Variants in GCNT2 observed in about 807,000 individuals in gnomAD.
The protein encoded by GCNT2 is glucosaminyl (N-acetyl) transferase 2 (I blood group), also known as N-acetyllactosaminide beta-1,6-N-acetylglucosaminyl-transferase.
GCNT2 carries 34 observed loss-of-function variants against 34.2 expected under a neutral mutation model. The ratio of observed to expected loss-of-function variants is 1.00; its 90% confidence interval spans 0.76 to 1.32. The LOEUF is 1.32. Ranked by LOEUF, GCNT2 falls within the 40% of genes most tolerant of loss-of-function variation. The pLI, the probability that GCNT2 is intolerant of heterozygous loss-of-function variation, is 0.00. For synonymous variants in GCNT2, 212 were observed against 188.0 expected (o/e 1.13, Z -1.04); for missense variants, 584 against 489.4 (o/e 1.19, Z -1.82).
chr6:10,623,045 G>A (rs943329851), intron 4 of GCNT2, among the ~76,000 whole-genome samples: 7 of 151,064 alleles, frequency 4.6e-5, no homozygotes, highest in African/African-American at 1.2e-4. Flanking sequence ...GAGCTACTGC[G>A]CCCGGCCCCA....
At chr6:10,553,668 C>T (rs923785134) in intron 3 of GCNT2, among the ~76,000 whole-genome samples, 19 of 152,232 alleles carry the variant, frequency 1.2e-4, no homozygotes, top group African/African-American at 4.6e-4. Flanking sequence ...CCAAGGTGGG[C>T]GGATCGCTTG....
At chr6:10,586,934 C>A (rs1165249266) in intron 3 of GCNT2, 2 of 1,543,534 alleles carry the variant, frequency 1.3e-6, no homozygotes, top group Non-Finnish European at 1.8e-6. Flanking sequence ...AATTTCCATT[C>A]TGATTGATAG....
intron 3 of GCNT2, chr6:10,574,858 G>T: frequency 1.4e-6 from 1 of 690,494 alleles, no homozygotes. Context: ...TTGAACCCAG[G>T]CACCTTTCTC....
At chr6:10,535,512 A>C (rs1175586231) in intron 3 of GCNT2, among the ~76,000 whole-genome samples, 1 of 151,408 alleles carries the variant, frequency 6.6e-6, no homozygotes, top group Non-Finnish European at 1.5e-5. Flanking sequence ...AAGTTCATCC[A>C]CCTCCCACTT....
At chr6:10,528,256 T>TGTC (rs2113500528) in intron 2 of GCNT2, 1 of 154,598 alleles carries the variant, frequency 6.5e-6, no homozygotes, top group African/African-American at 2.4e-5. Flanking sequence ...TCATATGCCA[T>TGTC]GTCGTATAGC....
intron 3 of GCNT2, among the ~76,000 whole-genome samples, chr6:10,614,838 T>C (rs1320633862): frequency 6.6e-6 from 1 of 152,132 alleles, no homozygotes; most frequent in African/African-American, 2.4e-5. Flanking sequence ...GCATTGGGAA[T>C]GGACGCGCGT....
chr6:10,590,804 G>A (rs578153173), intron 3 of GCNT2, among the ~76,000 whole-genome samples: 2 of 151,976 alleles, frequency 1.3e-5, no homozygotes, highest in African/African-American at 2.4e-5. Flanking sequence ...TGCCCGCCTC[G>A]GCCTCCCAAA....
intron 4 of GCNT2, among the ~76,000 whole-genome samples, chr6:10,625,127 C>T (rs180952192): frequency 3.9e-5 from 6 of 152,212 alleles, no homozygotes; most frequent in Non-Finnish European, 4.4e-5. Flanking sequence ...AATTAATCAC[C>T]ATGTTCTATC....
Position 10,552,941 on chromosome 6 carries a change from A to G in GCNT2, c.925+23105A>G, listed in dbSNP as rs560732477. ...GAATGGGTACAGTTTCACCCCATTT[A>G]CCTAACCTTTTCTGCCAGTGCAGCT... is the stretch of plus-strand genomic sequence containing the variant. On this transcript the variant is annotated intron_variant, in intron 3 of 4. Transcript: ENST00000495262. Among the ~76,000 whole-genome samples, 9 of 152,286 alleles carry G rather than the reference A, an allele frequency of 5.9e-5. No individual in the cohort carries two copies. In the South Asian group the frequency reaches 1.9e-3, roughly 32 times the overall value.
At chr6:10,555,607 CAA>C (rs1762661713) in intron 3 of GCNT2, 2 of 291,492 alleles carry the variant, frequency 6.9e-6, no homozygotes, top group Non-Finnish European at 1.0e-5. Flanking sequence ...TATTCTAAGA[CAA>C]ACACCACAGC....
At chr6:10,563,769 AAAAAAAAAAT>A (rs1165863140) in intron 3 of GCNT2, among the ~76,000 whole-genome samples, 119 of 70,126 alleles carry the variant, frequency 1.7e-3, no homozygotes, top group African/African-American at 4.3e-3. Context: ...AAAAAAAAAA[AAAAAAAAAAT>A]ATATATATAT....
At chr6:10,559,257 T>C (rs1350103670) in intron 3 of GCNT2, among the ~76,000 whole-genome samples, 2 of 152,212 alleles carry the variant, frequency 1.3e-5, no homozygotes, top group African/African-American at 2.4e-5. Context: ...AAGAATGATA[T>C]CTGGATAGGT....
chr6:10,552,128 G>C (rs938045023), intron 3 of GCNT2, among the ~76,000 whole-genome samples: 19 of 152,256 alleles, frequency 1.2e-4, no homozygotes, highest in African/African-American at 4.6e-4. Context: ...TTGCTAATTA[G>C]ATGAAAGGTA....
chr6:10,592,966 C>T (rs1338587827), intron 3 of GCNT2, among the ~76,000 whole-genome samples: 1 of 152,162 alleles, frequency 6.6e-6, no homozygotes, highest in East Asian at 1.9e-4. Flanking sequence ...TGGTCTCGAT[C>T]TCTTGACCTC....
chr6:10,549,611 A>C (rs1343061769), intron 3 of GCNT2, among the ~76,000 whole-genome samples: 2 of 115,826 alleles, frequency 1.7e-5, no homozygotes, highest in Non-Finnish European at 3.2e-5. Flanking sequence ...TCGCTCTGTC[A>C]CCCAGGTTGG....
Position 10,617,750 on chromosome 6 carries a change from C to CTTTT in GCNT2, c.926-3582_926-3579dup, listed in dbSNP as rs3064178. 4.9e-5 allele frequency among the ~76,000 whole-genome samples: 5 copies of CTTTT among 101,698 alleles called. 1 individual carries two copies. The highest frequency in any genetic ancestry group is 2.5e-4 in the African/African-American group (5 of 19,908). The allele number at this position is 101,698 out of a possible 152,430, so 66.7% of individuals were successfully genotyped here. ...CACCTGGCCAGAGTCTGCATTTCTT[C>CTTTT]TTTTTTTTTTTTTTTTTTTTTTGAC... On this transcript the variant is annotated intron_variant, in intron 3 of 4. Transcript: ENST00000495262.
intron 3 of GCNT2, among the ~76,000 whole-genome samples, chr6:10,536,225 C>T (rs771474469): frequency 2.6e-5 from 4 of 152,260 alleles, no homozygotes; most frequent in Middle Eastern, 3.4e-3. Flanking sequence ...ACCAATCGAG[C>T]ACACAGAGCT....
At chr6:10,566,617 T>G (rs1186670900) in intron 3 of GCNT2, among the ~76,000 whole-genome samples, 1 of 152,226 alleles carries the variant, frequency 6.6e-6, no homozygotes, top group Non-Finnish European at 1.5e-5. Flanking sequence ...AGTGCTGTGT[T>G]GTATATTCCT....
At chr6:10,585,368 G>A (rs1416265617) in intron 3 of GCNT2, among the ~76,000 whole-genome samples, 2 of 152,098 alleles carry the variant, frequency 1.3e-5, no homozygotes, top group African/African-American at 4.8e-5. Context: ...CATTATCTGT[G>A]TCTGTATGTG....
Sources: allele counts gnomAD v4.1 joint callset (sites outside exome capture counted in the v4.1 genomes callset), GRCh38; gene constraint gnomAD v4.1.1; transcripts MANE v1.5; gene names NCBI Gene and HGNC (gene_info 2026-07-23, HGNC 2026-07-21).